Variants in EFCAB8 observed in about 807,000 individuals in gnomAD.
EFCAB8 encodes EF-hand calcium binding domain 8, also known as EF-hand calcium-binding domain-containing protein 8.
EFCAB8 carries 100 observed loss-of-function variants against 116.3 expected under a neutral mutation model. The observed-to-expected ratio is 0.86, with a 90% CI of 0.73 to 1.02. EFCAB8 has a LOEUF of 1.02. Among genes scored for constraint, EFCAB8 ranks in the 50% least tolerant of loss-of-function variants. EFCAB8 has a pLI of 0.00. For synonymous variants in EFCAB8, 558 were observed against 567.9 expected (o/e 0.98, Z 0.25); for missense variants, 1,320 against 1,416.9 (o/e 0.93, Z 1.10).
chr20:32,860,716 CT>C (rs1439318253), intron 1 of EFCAB8, among the ~76,000 whole-genome samples: 1 of 151,690 alleles, frequency 6.6e-6, no homozygotes, highest in Non-Finnish European at 1.5e-5. Context: ...AGTGTGCACC[CT>C]TTTCTGCATC....
chr20:32,920,448 G>A (rs956464972), intron 20 of EFCAB8, among the ~76,000 whole-genome samples: 26 of 152,304 alleles, frequency 1.7e-4, no homozygotes, highest in Admixed American at 1.3e-3. Context: ...AGGCATATCC[G>A]AGACTGAGAA....
At chr20:32,933,980 AAATC>A (rs797011811) in intron 22 of EFCAB8, among the ~76,000 whole-genome samples, 3 of 152,016 alleles carry the variant, frequency 2.0e-5, no homozygotes, top group African/African-American at 7.3e-5. Flanking sequence ...CCGTCTCAAA[AAATC>A]AATCAATCAA....
chr20:32,920,885 C>G lies in EFCAB8; in HGVS notation c.2412+670C>G, dbSNP rs938662500. On this transcript the variant is annotated intron_variant, in intron 20 of 26. Coordinates refer to ENST00000400522, the MANE Select transcript of EFCAB8 (RefSeq NM_001143967.2). ...GTAGGAGAAGGGGCATCTCCAGACT[C>G]TAGTTAGAATGCCCTCCTGTTAACT... Among the ~76,000 whole-genome samples the G allele has an allele frequency of 2.0e-5, 3 of 152,146 alleles. No individual in the cohort carries two copies. The South Asian group carries it at 6.2e-4, about 32-fold the overall frequency.
intron 9 of EFCAB8, among the ~76,000 whole-genome samples, chr20:32,894,942 G>A (rs1986086270): frequency 6.6e-6 from 1 of 152,222 alleles, no homozygotes; most frequent in South Asian, 2.1e-4. Context: ...ACCCCTCCCT[G>A]GGACTTACTT....
At chr20:32,875,834 C>T in intron 3 of EFCAB8, 92 bp from the exon 4 acceptor site, 2 of 1,160,728 alleles carry the variant, frequency 1.7e-6, no homozygotes, top group East Asian at 5.2e-5. Context: ...AGTGTGTCCC[C>T]CTCAGCACCC....
chr20:32,936,604 AAAAATC>A (rs1988128650), intron 22 of EFCAB8, among the ~76,000 whole-genome samples: 1 of 152,216 alleles, frequency 6.6e-6, no homozygotes, highest in Admixed American at 6.5e-5. Context: ...CACCTTTGTC[AAAAATC>A]AATTGACTAT....
chr20:32,876,230 C>G (rs964044792), intron 4 of EFCAB8, among the ~76,000 whole-genome samples, 186 bp downstream of exon 4: 5 of 152,166 alleles, frequency 3.3e-5, no homozygotes, highest in Admixed American at 1.3e-4. Context: ...GAGCTGAGTT[C>G]CTGGCAGCTC....
At chr20:32,960,898 G>T (rs1159872024) in intron 26 of EFCAB8, among the ~76,000 whole-genome samples, 1 of 152,224 alleles carries the variant, frequency 6.6e-6, no homozygotes, top group Non-Finnish European at 1.5e-5. Context: ...CCAGCTCACA[G>T]AGTTGCCACA....
intron 7 of EFCAB8, among the ~76,000 whole-genome samples, chr20:32,891,568 C>T (rs950985113): frequency 1.3e-5 from 2 of 152,224 alleles, no homozygotes; most frequent in Non-Finnish European, 2.9e-5. Context: ...CCTGATGGAG[C>T]AGCTGTCATC....
chr20:32,921,436 G>A (rs960342490), intron 20 of EFCAB8, among the ~76,000 whole-genome samples: 3 of 150,364 alleles, frequency 2.0e-5, no homozygotes, highest in East Asian at 1.9e-4. Flanking sequence ...TGCTGGTCTC[G>A]AACTCCTGGG....
intron 13 of EFCAB8, among the ~76,000 whole-genome samples, chr20:32,907,740 G>A (rs1986744924): frequency 6.6e-6 from 1 of 152,172 alleles, no homozygotes. Context: ...ATGGGGACAG[G>A]GACAGTCTCG....
intron 4 of EFCAB8, among the ~76,000 whole-genome samples, 155 bp from the exon 5 acceptor site, chr20:32,878,549 C>T (rs1249687489): frequency 2.2e-5 from 3 of 134,204 alleles, no homozygotes; most frequent in African/African-American, 8.1e-5. Flanking sequence ...CTCGCTCTGT[C>T]GCCCAGGTCG....
At position 32,911,492 on chromosome 20, in the gene EFCAB8, T is replaced by G; in HGVS notation, c.1570T>G (p.Cys524Gly). 1 of 1,489,874 alleles carries G rather than the reference T, an allele frequency of 6.7e-7. No homozygotes were observed. Among genetic ancestry groups the G allele is most frequent in the Non-Finnish European group, 9.0e-7 (1 of 1,112,628 alleles). The allele number at this position is 1,489,874 out of a possible 1,614,324, so 92.3% of individuals were successfully genotyped here. Residue 524 changes from cysteine to glycine, a missense_variant, in exon 16 of 27, where the codon TGC becomes GGC. Transcript: ENST00000400522. Reference protein sequence around the residue: ...SKIFKQVVSGCLRGTVSVWEV... With the variant: ...SKIFKQVVSGGLRGTVSVWEV... ...GTGCTCCCTACAGGTGGTGAGTGGC[T>G]GCCTGCGCGGCACAGTGAGTGTGTG...
At chr20:32,935,172 TTTTCTTTC>T (rs1396936973) in intron 22 of EFCAB8, among the ~76,000 whole-genome samples, 11 of 105,742 alleles carry the variant, frequency 1.0e-4, no homozygotes, top group African/African-American at 4.2e-4. Context: ...TTCTCTTCTC[TTTTCTTTC>T]TTTCTTTCTT....
intron 14 of EFCAB8, among the ~76,000 whole-genome samples, chr20:32,908,637 G>C (rs1413674574): frequency 6.6e-6 from 1 of 152,216 alleles, no homozygotes; most frequent in Non-Finnish European, 1.5e-5. Context: ...GCTGCTGTCT[G>C]CACTGTCCCC....
chr20:32,948,629 A>C (rs948586485), intron 23 of EFCAB8, among the ~76,000 whole-genome samples: 1 of 152,216 alleles, frequency 6.6e-6, no homozygotes, highest in South Asian at 2.1e-4. Context: ...CCTCATAAGC[A>C]TAAATACAAA....
At chr20:32,899,113 C>T (rs1024180655) in intron 11 of EFCAB8, among the ~76,000 whole-genome samples, 2 of 151,990 alleles carry the variant, frequency 1.3e-5, no homozygotes, top group Non-Finnish European at 2.9e-5. Flanking sequence ...TCACCGGGCG[C>T]GGTGGCTCAC....
intron 6 of EFCAB8, among the ~76,000 whole-genome samples, chr20:32,888,452 G>A (rs1219550234): frequency 6.6e-6 from 1 of 152,164 alleles, no homozygotes; most frequent in Non-Finnish European, 1.5e-5. Flanking sequence ...TCGAACTCCT[G>A]ACCTAGTGAT....
intron 11 of EFCAB8, among the ~76,000 whole-genome samples, chr20:32,903,892 C>CCCAGGCA (rs1164178752): frequency 1.3e-5 from 2 of 150,104 alleles, no homozygotes; most frequent in Admixed American, 6.6e-5. Flanking sequence ...CAGGTTGATG[C>CCCAGGCA]CCAGGCACCT....
Sources: gnomAD v4.1 joint callset for allele counts (sites outside exome capture counted in the v4.1 genomes callset) on GRCh38, gnomAD v4.1.1 for gene constraint, MANE v1.5 for transcripts, NCBI Gene and HGNC (gene_info 2026-07-23, HGNC 2026-07-21) for gene names.